KDM2B: variants seen among roughly 807,000 people sequenced by gnomAD.
KDM2B encodes lysine demethylase 2B.
KDM2B carries 26 observed loss-of-function variants against 150.0 expected under a neutral mutation model. The ratio of observed to expected loss-of-function variants is 0.17; its 90% CI spans 0.13 to 0.24. The LOEUF (loss-of-function observed/expected upper bound fraction) is 0.24, where lower values mean the gene tolerates loss of function less well. Among genes scored for constraint, KDM2B ranks in the 10% least tolerant of loss-of-function variants. The pLI is 1.00. For synonymous variants in KDM2B, 734 were observed against 729.5 expected (o/e 1.01, Z -0.10); for missense variants, 1,265 against 1,816.9 (o/e 0.70, Z 5.52).
chr12:121,442,279 C>T lies in KDM2B; in HGVS notation c.3162G>A (p.Ser1054=), dbSNP rs782443488. Residue 1054 remains serine (S), a synonymous_variant, in exon 19 of 23, where the codon TCG becomes TCA. Transcript: ENST00000377071. This position sits in a 1 kb window ranked among gnomAD's most constrained non-coding sequence, Gnocchi z 7.7. ...RPPPISPPPD[S]LPLDDGAAHV... is the part of the protein sequence containing the mutation. ...GGGCTGCCCCATCGTCCAGGGGTAG[C>T]GAGTCAGGCGGGGGGCTGATGGGGG... is the stretch of plus-strand genomic sequence containing the variant. 6.6e-5 allele frequency: 107 copies of T among 1,611,868 alleles called. No individual in the cohort carries two copies. Among genetic ancestry groups the T allele is most frequent in the African/African-American group, 4.0e-5 (3 of 74,816 alleles).
intron 13 of KDM2B, among the ~76,000 whole-genome samples, chr12:121,447,068 C>A (rs905624978): frequency 6.6e-6 from 1 of 152,088 alleles, no homozygotes; most frequent in African/African-American, 2.4e-5. Flanking sequence ...TTAAAAAAAA[C>A]TGTTGAGTTC....
chr12:121,554,567 C>T (rs1015414425), intron 4 of KDM2B, among the ~76,000 whole-genome samples: 1 of 151,990 alleles, frequency 6.6e-6, no homozygotes, highest in Non-Finnish European at 1.5e-5. Flanking sequence ...CCTGCCACCA[C>T]GCCCAGCTAA....
At chr12:121,463,826 G>A (rs1398242118) in intron 12 of KDM2B, among the ~76,000 whole-genome samples, 1 of 152,024 alleles carries the variant, frequency 6.6e-6, no homozygotes, top group Non-Finnish European at 1.5e-5. Context: ...CCATCCACCT[G>A]CCTCAGCCTC....
downstream of KDM2B, among the ~76,000 whole-genome samples, chr12:121,428,099 A>C (rs538313391): frequency 9.8e-5 from 15 of 152,340 alleles, 1 homozygote; most frequent in African/African-American, 3.6e-4. Context: ...TGGATTCCTG[A>C]GTTAAATTCT....
chr12:121,491,499 ATATT>A (rs1883343363), intron 12 of KDM2B, among the ~76,000 whole-genome samples: 1 of 152,030 alleles, frequency 6.6e-6, no homozygotes, highest in Admixed American at 6.6e-5. Flanking sequence ...TATTTTTAAA[ATATT>A]TATTTATGAC....
At position 121,444,137 on chromosome 12, in the gene KDM2B, G is replaced by A. The variant is rs374773877; in HGVS notation, c.2326C>T (p.Arg776Cys). 82 of 1,612,646 alleles carry A rather than the reference G, an allele frequency of 5.1e-5. No homozygotes were observed. Among genetic ancestry groups the A allele is most frequent in the Non-Finnish European group, 6.6e-5 (78 of 1,180,046 alleles). Residue 776 changes from arginine (R) to cysteine (C), a missense_variant, in exon 16 of 23, where the codon CGC becomes TGC. Transcript: ENST00000377071. ...TTCTTCGAGTGCTCATCCGACCTGC[G>A]CCGGGGCGCCTCCTCACACTCACTC... is the stretch of plus-strand genomic sequence containing the variant. ...RRSECEEAPR[R>C]RSDEHSKKVP...
intron 12 of KDM2B, among the ~76,000 whole-genome samples, chr12:121,489,859 C>T (rs1419774737): frequency 6.6e-6 from 1 of 152,196 alleles, no homozygotes; most frequent in African/African-American, 2.4e-5. Flanking sequence ...GAAGCTGATG[C>T]CACCAGCCTG....
downstream of KDM2B, among the ~76,000 whole-genome samples, chr12:121,428,203 C>CT (rs139959661): frequency 8.9e-4 from 131 of 147,208 alleles, no homozygotes; most frequent in African/African-American, 1.5e-3. Context: ...AGATCTTTCT[C>CT]TTTTTTTTTT....
intron 8 of KDM2B, among the ~76,000 whole-genome samples, chr12:121,525,119 G>A (rs1275384062): frequency 1.3e-5 from 2 of 152,146 alleles, no homozygotes; most frequent in African/African-American, 4.8e-5. Context: ...AACTCCCTGC[G>A]CCGGGCCAGG....
At chr12:121,556,100 G>A (rs1453391839) in intron 4 of KDM2B, among the ~76,000 whole-genome samples, 1 of 151,714 alleles carries the variant, frequency 6.6e-6, no homozygotes, top group African/African-American at 2.4e-5. Flanking sequence ...CTAATTTTTT[G>A]TATTTTAGTA....
At chr12:121,531,682 T>A (rs1887670980) in intron 8 of KDM2B, among the ~76,000 whole-genome samples, 1 of 152,214 alleles carries the variant, frequency 6.6e-6, no homozygotes, top group Middle Eastern at 3.2e-3. Flanking sequence ...CTTCCTCATG[T>A]AAAGCAACCC....
chr12:121,423,277 G>A, the KDM2B span: 8 of 739,682 alleles, frequency 1.1e-5, no homozygotes, highest in Non-Finnish European at 1.8e-5. This position sits in a 1 kb window ranked among gnomAD's most constrained non-coding sequence, Gnocchi z 4.3. Context: ...GGGTGGCATT[G>A]GGCCTGCAGG....
chr12:121,414,669 C>CTGT, the KDM2B span, among the ~76,000 whole-genome samples: 56 of 152,064 alleles, frequency 3.7e-4, no homozygotes, highest in Non-Finnish European at 7.1e-4. Context: ...AAATACTTTC[C>CTGT]TGTTGTTGTT....
chr12:121,528,770 G>C (rs1175918989), intron 8 of KDM2B, among the ~76,000 whole-genome samples: 3 of 152,138 alleles, frequency 2.0e-5, no homozygotes, highest in Non-Finnish European at 4.4e-5. Context: ...GCACATGCCT[G>C]TAATCCCAGC....
intron 8 of KDM2B, among the ~76,000 whole-genome samples, chr12:121,525,028 G>A (rs1887009281): frequency 6.6e-6 from 1 of 152,166 alleles, no homozygotes; most frequent in South Asian, 2.1e-4. Context: ...AATAAACCTA[G>A]AGGTCTCAGA....
chr12:121,457,533 G>A (rs542000535), intron 12 of KDM2B, among the ~76,000 whole-genome samples: 1 of 152,018 alleles, frequency 6.6e-6, no homozygotes, highest in South Asian at 2.1e-4. Context: ...AAGTGCTGGG[G>A]TTACAGGCAT....
intron 12 of KDM2B, among the ~76,000 whole-genome samples, chr12:121,471,731 G>A (rs2139671242): frequency 6.6e-6 from 1 of 152,142 alleles, no homozygotes; most frequent in East Asian, 1.9e-4. Flanking sequence ...TAAAGCTTGG[G>A]AACATCATTT....
At chr12:121,492,468 C>G (rs955289046) in intron 12 of KDM2B, among the ~76,000 whole-genome samples, 2 of 151,478 alleles carry the variant, frequency 1.3e-5, no homozygotes, top group Admixed American at 1.3e-4. Flanking sequence ...CCACCATGCC[C>G]AGTTAATTTT....
chr12:121,542,529 G>A (rs985371084), intron 6 of KDM2B, among the ~76,000 whole-genome samples: 1 of 152,248 alleles, frequency 6.6e-6, no homozygotes, highest in African/African-American at 2.4e-5. Context: ...CAGAAACTGT[G>A]AGATAATGTT....
Sources: gnomAD v4.1 joint callset for allele counts (sites outside exome capture counted in the v4.1 genomes callset) on GRCh38, gnomAD v4.1.1 for gene constraint, Gnocchi (gnomAD v3.1) non-coding constraint, MANE v1.5 for transcripts, NCBI Gene and HGNC (gene_info 2026-07-23, HGNC 2026-07-21) for gene names.